ANKRD36C: variants seen among roughly 807,000 people sequenced by gnomAD.
ANKRD36C encodes the protein ankyrin repeat domain-containing protein 36C.
Under a neutral mutation model 276.4 loss-of-function variants are expected in ANKRD36C, and 61 were observed. The observed-to-expected ratio is 0.22, with a 90% CI of 0.18 to 0.27. The LOEUF (loss-of-function observed/expected upper bound fraction) is 0.27. Among genes scored for constraint, ANKRD36C ranks in the 10% least tolerant of loss-of-function variants. ANKRD36C has a pLI of 1.00. For missense variants in ANKRD36C, 1,447 were observed against 2,032.3 expected, an observed-to-expected ratio of 0.71 and a Z score of 5.54; for synonymous variants, 483 against 680.1, an observed-to-expected ratio of 0.71 and a Z score of 4.51.
intron 13 of ANKRD36C, among the ~76,000 whole-genome samples, chr2:95,955,692 G>A (rs1196981181): frequency 3.9e-5 from 6 of 152,098 alleles, no homozygotes; most frequent in East Asian, 1.9e-4. Flanking sequence ...AGAAGACTGC[G>A]TTTTGAACTA....
At position 95,991,778 on chromosome 2, in the gene ANKRD36C, A is replaced by T. The variant is rs570020355; in HGVS notation, c.-70T>A. On this transcript the variant is annotated 5_prime_UTR_variant, in exon 1 of 67. Transcript: ENST00000456556. Reference sequence around the variant, plus strand: ...CCTTCGGGGATCGCCGCCTCCGAAGAGCAACAACAGGCAAAGCAGTCTGTC... The same window carrying T: ...CCTTCGGGGATCGCCGCCTCCGAAGTGCAACAACAGGCAAAGCAGTCTGTC... 832 of 1,455,586 alleles carry T rather than the reference A, an allele frequency of 5.7e-4. 2 individuals carry two copies. The highest frequency in any genetic ancestry group is 5.6e-4 in the Non-Finnish European group (597 of 1,060,964). 90.2% of individuals were successfully genotyped at this position (1,455,586 alleles called of 1,614,324 possible).
chr2:95,954,179 C>G (rs1304763599), intron 13 of ANKRD36C, among the ~76,000 whole-genome samples, 174 bp from the exon 14 acceptor site: 1 of 152,298 alleles, frequency 6.6e-6, no homozygotes, highest in African/African-American at 2.4e-5. Flanking sequence ...ATATGGCTTC[C>G]GTTTTAGAAA....
rs757961708 is a variant in ANKRD36C at position 95,886,091 on chromosome 2, C to A, written c.3120G>T (p.Ser1040=). 3.5e-5 allele frequency: 56 copies of A among 1,610,508 alleles called. No individual in the cohort carries two copies. The East Asian group carries it at 9.8e-4, about 28-fold the overall frequency. Residue 1040 remains serine, a synonymous_variant, in exon 52 of 67, where the codon TCG becomes TCT. Coordinates refer to ENST00000456556, the Ensembl canonical transcript of ANKRD36C. ...CATCCTTTATCTCTGTGGCTATATT[C>A]GAAACAGAATCTTTCTTGACACTTG...
At chr2:95,976,665 G>A (rs2438927) in intron 6 of ANKRD36C, among the ~76,000 whole-genome samples, 1 of 152,056 alleles carries the variant, frequency 6.6e-6, no homozygotes, top group Admixed American at 6.6e-5. Context: ...AAAGGGTTAC[G>A]CAGGATCTTG....
At chr2:95,944,422 T>C (rs1312041389) in intron 19 of ANKRD36C, among the ~76,000 whole-genome samples, 1 of 152,188 alleles carries the variant, frequency 6.6e-6, no homozygotes, top group Non-Finnish European at 1.5e-5. Context: ...TATTATTACC[T>C]TGAGAACTTC....
At chr2:95,852,828 A>G (rs1386534554) in intron 64 of ANKRD36C, 2 of 152,412 alleles carry the variant, frequency 1.3e-5, no homozygotes, top group Non-Finnish European at 2.9e-5. Context: ...TAAAATCGAC[A>G]AAGTCAGTTC....
chr2:95,929,133 G>C lies in ANKRD36C; in HGVS notation c.1776C>G (p.Asp592Glu), dbSNP rs111499669. The stretch of plus-strand genomic sequence containing the variant: ...CTATATTTGAAACAGAATCTTTGTC[G>C]TCACTTGTAGCCTGAATGGGATTTG... Residue 592 changes from aspartate (D) to glutamate (E), a missense_variant, in exon 26 of 67, where the codon GAC becomes GAG. Around this residue, in one of 13 missense-constraint regions of ANKRD36C, gnomAD observed 565 missense variants for 539.5 expected, o/e 1.05. Coordinates refer to ENST00000456556, the Ensembl canonical transcript of ANKRD36C. The C allele has an allele frequency of 1.2e-5, 20 of 1,602,982 alleles. No homozygotes were observed. The South Asian group carries it at 2.2e-4, about 18-fold the overall frequency.
At chr2:95,938,651 A>C (rs1012835979) in intron 22 of ANKRD36C, among the ~76,000 whole-genome samples, 178 bp downstream of exon 22, 1 of 152,308 alleles carries the variant, frequency 6.6e-6, no homozygotes, top group Non-Finnish European at 1.5e-5. Flanking sequence ...ACAGTGTAAA[A>C]TGTCCGCCTT....
rs1677030794 is a variant in ANKRD36C, at chr2:95,914,424, C to T, written c.2450-121G>A. 5.4e-6 allele frequency: 7 copies of T among 1,287,798 alleles called. No individual in the cohort carries two copies. The South Asian group carries it at 7.7e-5, about 14-fold the overall frequency. 79.8% of individuals were successfully genotyped at this position (1,287,798 alleles called of 1,614,324 possible). A position where few individuals can be genotyped will look rare whatever the true frequency, so the allele number is the denominator to read the frequency against. On this transcript the variant is annotated intron_variant, in intron 38 of 66. Coordinates refer to ENST00000456556, the Ensembl canonical transcript of ANKRD36C. ...CCTGTATTAGCGTAGTCTTTGATGGCTTCTACTTTGTGTCTGGGGACTAGA... is the reference window on the plus strand; with the variant it reads ...CCTGTATTAGCGTAGTCTTTGATGGTTTCTACTTTGTGTCTGGGGACTAGA...
rs913276278 is a variant in ANKRD36C, at chr2:95,908,107, A to G, written c.2653+4137T>C. Among the ~76,000 whole-genome samples the G allele has an allele frequency of 8.6e-5, 13 of 150,632 alleles. 1 individual carries two copies. Among genetic ancestry groups the G allele is most frequent in the African/African-American group, 2.9e-4 (12 of 41,172 alleles). On this transcript the variant is annotated intron_variant, in intron 42 of 66. Coordinates refer to ENST00000456556, the Ensembl canonical transcript of ANKRD36C. The stretch of plus-strand genomic sequence containing the variant: ...CTCCTTAGTTCTCCTAACAGTGTCT[A>G]CGGGTTGTTACAACAAGCTTTCTGT...
At chr2:95,984,467 G>A (rs1678989079) in intron 3 of ANKRD36C, among the ~76,000 whole-genome samples, 1 of 152,090 alleles carries the variant, frequency 6.6e-6, no homozygotes, top group Admixed American at 6.5e-5. Context: ...CACATCTATG[G>A]GACACATTTG....
intron 62 of ANKRD36C, among the ~76,000 whole-genome samples, chr2:95,856,441 A>T (rs76878755): frequency 2.6e-5 from 4 of 152,218 alleles, no homozygotes; most frequent in Admixed American, 6.5e-5. Flanking sequence ...ATTTCAGGAT[A>T]AAAAAAGGCT....
At chr2:95,923,711 T>C (rs183114345) in intron 30 of ANKRD36C, 22 bp from the exon 31 acceptor site, 16 of 1,609,374 alleles carry the variant, frequency 9.9e-6, no homozygotes, top group Non-Finnish European at 1.4e-5. Context: ...AAGGGATACA[T>C]AATCACTCAT....
intron 28 of ANKRD36C, among the ~76,000 whole-genome samples, chr2:95,926,675 T>C (rs1413529391): frequency 2.0e-5 from 3 of 151,588 alleles, no homozygotes; most frequent in South Asian, 2.1e-4. Context: ...CAAAAATGTT[T>C]GAATATACAA....
intron 6 of ANKRD36C, among the ~76,000 whole-genome samples, chr2:95,975,601 C>T (rs1678793893): frequency 6.6e-6 from 1 of 152,188 alleles, no homozygotes; most frequent in Non-Finnish European, 1.5e-5. Flanking sequence ...TGGATCCCTT[C>T]CTTACATCTT....
intron 4 of ANKRD36C, 91 bp from the exon 5 acceptor site, chr2:95,980,876 G>A (rs1271818521): frequency 7.4e-6 from 11 of 1,479,958 alleles, no homozygotes; most frequent in Non-Finnish European, 9.9e-6. Context: ...GCCTGTCCAT[G>A]TAGAATTAAC....
chr2:95,956,138 A>G (rs1262337981), intron 13 of ANKRD36C, among the ~76,000 whole-genome samples: 10 of 152,188 alleles, frequency 6.6e-5, no homozygotes, highest in Non-Finnish European at 1.3e-4. Flanking sequence ...TATCATTTTA[A>G]TATATGCTAA....
chr2:95,962,356 C>T, exon 8 of ANKRD36C: 3 of 1,554,640 alleles, frequency 1.9e-6, no homozygotes, highest in Non-Finnish European at 2.6e-6. Context: ...AAATACCTGT[C>T]CCAGATTTTT....
intron 44 of ANKRD36C, among the ~76,000 whole-genome samples, chr2:95,896,009 T>C (rs973635488): frequency 7.5e-5 from 11 of 146,590 alleles, no homozygotes; most frequent in Non-Finnish European, 1.2e-4. Context: ...CTAAAAACAT[T>C]CATCATGCTC....
Sources: gnomAD v4.1 joint callset for allele counts (sites outside exome capture counted in the v4.1 genomes callset) on GRCh38, gnomAD v4.1.1 for gene constraint, gnomAD v4.1.1 regional missense constraint, MANE v1.5 for transcripts, NCBI Gene and HGNC (gene_info 2026-07-23, HGNC 2026-07-21) for gene names.